Variants in SRGAP3 observed in about 807,000 individuals in gnomAD.
The protein encoded by SRGAP3 is SLIT-ROBO Rho GTPase activating protein 3.
In SRGAP3, 39 loss-of-function variants were observed where a neutral mutation model predicts 121.1. The ratio of observed to expected loss-of-function variants is 0.32; its 90% CI spans 0.25 to 0.42. The LOEUF (loss-of-function observed/expected upper bound fraction) is 0.42, where lower values mean the gene tolerates loss of function less well. Ranked by LOEUF, SRGAP3 falls within the 10% of genes least tolerant of loss-of-function variation. SRGAP3 has a pLI of 1.00. For missense variants in SRGAP3, 1,213 were observed against 1,470.6 expected, an observed-to-expected ratio of 0.82 and a Z score of 2.86; for synonymous variants, 601 against 570.0, an observed-to-expected ratio of 1.05 and a Z score of -0.77.
At chr3:9,064,004 C>A (rs535655504) in intron 5 of SRGAP3, among the ~76,000 whole-genome samples, 1 of 152,314 alleles carries the variant, frequency 6.6e-6, no homozygotes, top group East Asian at 1.9e-4. Context: ...CCTCACCCCC[C>A]GCCCCTACCC....
At chr3:9,083,286 T>C (rs889881737) in intron 3 of SRGAP3, among the ~76,000 whole-genome samples, 1 of 152,138 alleles carries the variant, frequency 6.6e-6, no homozygotes, top group African/African-American at 2.4e-5. Context: ...TCTTTTTACA[T>C]AGGTAATAAA....
chr3:9,121,063 C>A (rs1337734723), intron 2 of SRGAP3, among the ~76,000 whole-genome samples: 1 of 152,206 alleles, frequency 6.6e-6, no homozygotes, highest in East Asian at 1.9e-4. Flanking sequence ...TCCTAATTTA[C>A]TGTAAAATCT....
intron 3 of SRGAP3, among the ~76,000 whole-genome samples, chr3:9,264,156 G>A (rs150495196): frequency 1.4e-3 from 218 of 152,190 alleles, no homozygotes; most frequent in African/African-American, 4.4e-3. Context: ...AAAGGTCTTC[G>A]ATAAAATTCA....
chr3:9,151,132 G>A (rs184270590), intron 1 of SRGAP3, among the ~76,000 whole-genome samples: 10 of 152,326 alleles, frequency 6.6e-5, no homozygotes, highest in African/African-American at 2.4e-4. Flanking sequence ...CTAGTGGTGG[G>A]GTGGCAAAGA....
intron 1 of SRGAP3, among the ~76,000 whole-genome samples, chr3:9,225,267 C>T (rs959828312): frequency 2.4e-4 from 36 of 152,114 alleles, no homozygotes; most frequent in African/African-American, 8.2e-4. Context: ...TCCAGGAAAT[C>T]CATCTGGTCT....
intron 3 of SRGAP3, among the ~76,000 whole-genome samples, chr3:9,094,716 G>A (rs2664074): frequency 0.7 from 106,435 of 152,090 alleles, 37,712 homozygotes; most frequent in African/African-American, 0.82. Flanking sequence ...ACCAGTAATT[G>A]TGAGCATCTT....
intron 8 of SRGAP3, 59 bp from the exon 9 acceptor site, chr3:9,053,283 A>G (rs148709345): frequency 1.3e-6 from 2 of 1,535,924 alleles, no homozygotes; most frequent in Non-Finnish European, 8.9e-7. Context: ...GTTGACACCT[A>G]AAGTCCCTTT....
intron 1 of SRGAP3, among the ~76,000 whole-genome samples, chr3:9,156,507 G>C (rs1322078634): frequency 6.6e-6 from 1 of 152,092 alleles, no homozygotes; most frequent in African/African-American, 2.4e-5. Context: ...AGGATGTGTT[G>C]GTATATTACT....
chr3:9,283,430 C>T (rs775379580), intron 3 of SRGAP3, among the ~76,000 whole-genome samples: 1 of 152,214 alleles, frequency 6.6e-6, no homozygotes. Flanking sequence ...TGCAGATCTT[C>T]CAAACACTGT....
intron 1 of SRGAP3, among the ~76,000 whole-genome samples, chr3:9,222,387 G>A (rs908252480): frequency 4.6e-5 from 7 of 152,192 alleles, no homozygotes; most frequent in Non-Finnish European, 1.0e-4. Flanking sequence ...CCTGGTCCCA[G>A]GCCAGCCTGG....
At chr3:9,008,246 C>T (rs561921781) in intron 18 of SRGAP3, 3 of 152,608 alleles carry the variant, frequency 2.0e-5, no homozygotes, top group East Asian at 1.9e-4. Flanking sequence ...GGGTGAGTCC[C>T]ATGGCTGCTT....
At chr3:9,250,592 A>G (rs1364331306), upstream of SRGAP3, among the ~76,000 whole-genome samples, 2 of 152,252 alleles carry the variant, frequency 1.3e-5, no homozygotes, top group Non-Finnish European at 2.9e-5. Context: ...TCTTGAAAAG[A>G]TCAAAGAAAA....
intron 1 of SRGAP3, among the ~76,000 whole-genome samples, chr3:9,227,496 A>T (rs1953032587): frequency 6.6e-6 from 1 of 152,208 alleles, no homozygotes; most frequent in Non-Finnish European, 1.5e-5. Flanking sequence ...AAACTGAGGC[A>T]TAGAGAGGGG....
intron 18 of SRGAP3, among the ~76,000 whole-genome samples, chr3:8,999,468 A>T (rs1942618734): frequency 6.6e-6 from 1 of 152,310 alleles, no homozygotes; most frequent in African/African-American, 2.4e-5. Flanking sequence ...ACTCTGTTAT[A>T]GGTCATGAGT....
At chr3:9,221,282 G>T (rs1273603061) in intron 1 of SRGAP3, among the ~76,000 whole-genome samples, 1 of 152,210 alleles carries the variant, frequency 6.6e-6, no homozygotes, top group South Asian at 2.1e-4. Flanking sequence ...TGTCATTCCA[G>T]CCCTTTGGGA....
Position 9,354,919 on chromosome 3 carries a change from C to T in SRGAP3, n.214+7921G>A, listed in dbSNP as rs186711094. Among the ~76,000 whole-genome samples the T allele has an allele frequency of 1.3e-4, 20 of 152,290 alleles. No homozygotes were observed. In the East Asian group the frequency reaches 2.3e-3, roughly 18 times the overall value. On this transcript the variant is annotated intron_variant and non_coding_transcript_variant, in intron 1 of 3. Coordinates refer to the SRGAP3 transcript ENST00000490889. ...TACATGTAATGTTACCTGTCTCAAA[C>T]TGGCATTTTCTAGCAAGATCCATTT... is the stretch of plus-strand genomic sequence containing the variant.
rs750552423 is a variant in SRGAP3, at chr3:9,038,068, G to C, written c.1431C>G (p.Thr477=). The C allele has an allele frequency of 6.2e-7, 1 of 1,614,138 alleles. No homozygotes were observed. Among genetic ancestry groups the C allele is most frequent in the Non-Finnish European group, 8.5e-7 (1 of 1,180,022 alleles). Residue 477 remains threonine, a synonymous_variant, in exon 11 of 22, where the codon ACC becomes ACG. Transcript: ENST00000383836. ...LGEGERAECG[T]TRPPCLPPKP... Reference sequence around the variant, plus strand: ...CACAACTCTCCCACTCTCACCTGGTGGTGCCGCATTCTGCTCTTTCCCCTG... The same window carrying C: ...CACAACTCTCCCACTCTCACCTGGTCGTGCCGCATTCTGCTCTTTCCCCTG...
intron 1 of SRGAP3, among the ~76,000 whole-genome samples, chr3:9,165,193 T>C (rs1438853444): frequency 6.6e-6 from 1 of 152,202 alleles, no homozygotes; most frequent in Non-Finnish European, 1.5e-5. Flanking sequence ...CTTCCTGCCA[T>C]CTTCTCCTAC....
chr3:9,052,375 G>T (rs1945619637), intron 9 of SRGAP3, among the ~76,000 whole-genome samples: 1 of 152,200 alleles, frequency 6.6e-6, no homozygotes, highest in African/African-American at 2.4e-5. Flanking sequence ...GAAAAAGGGA[G>T]ATTTTAATCT....
Sources: allele counts gnomAD v4.1 joint callset (sites outside exome capture counted in the v4.1 genomes callset), GRCh38; gene constraint gnomAD v4.1.1; transcripts MANE v1.5; gene names NCBI Gene and HGNC (gene_info 2026-07-23, HGNC 2026-07-21).